ARHGEF4: variants seen among roughly 807,000 people sequenced by gnomAD.
The protein encoded by ARHGEF4 is Rho guanine nucleotide exchange factor 4, also known as APC-stimulated guanine nucleotide exchange factor 1.
ARHGEF4 carries 119 observed loss-of-function variants against 162.0 expected under a neutral mutation model. The observed-to-expected ratio is 0.73, with a 90% CI of 0.63 to 0.86. The LOEUF is 0.86. ARHGEF4 is among the 40% of genes least tolerant of loss of function. The pLI is 0.00. For synonymous variants in ARHGEF4, 1,014 were observed against 979.9 expected, an observed-to-expected ratio of 1.03 and a Z score of -0.65; for missense variants, 2,488 against 2,456.0, an observed-to-expected ratio of 1.01 and a Z score of -0.28.
intron 4 of ARHGEF4, among the ~76,000 whole-genome samples, chr2:130,977,124 TTGTG>T (rs529214228): frequency 3.1e-3 from 462 of 151,400 alleles, no homozygotes; most frequent in Non-Finnish European, 4.9e-3. Flanking sequence ...TGTGATGTGT[TTGTG>T]TGATGTCTGT....
chr2:130,972,718 T>C (rs1349873691), intron 4 of ARHGEF4, among the ~76,000 whole-genome samples: 1 of 139,728 alleles, frequency 7.2e-6, no homozygotes, highest in African/African-American at 2.7e-5. Context: ...CTTAAAGTGG[T>C]TGTGGTTAAT....
chr2:131,026,707 A>C (rs182513547), intron 4 of ARHGEF4, among the ~76,000 whole-genome samples: 1 of 152,340 alleles, frequency 6.6e-6, no homozygotes, highest in Admixed American at 6.5e-5. Flanking sequence ...CATACCCATT[A>C]GACTCAAGAA....
intron 1 of ARHGEF4, among the ~76,000 whole-genome samples, chr2:130,911,296 G>A (rs1681168147): frequency 6.6e-6 from 1 of 152,156 alleles, no homozygotes; most frequent in Admixed American, 6.5e-5. Context: ...TATAGAATAA[G>A]ACAGTTGGGA....
At chr2:130,842,320 G>C (rs1451087910) in intron 1 of ARHGEF4, among the ~76,000 whole-genome samples, 2 of 152,194 alleles carry the variant, frequency 1.3e-5, no homozygotes, top group African/African-American at 4.8e-5. Context: ...CAAGGAGCAA[G>C]GAAACAACAC....
At chr2:130,856,436 A>G (rs555350389) in intron 1 of ARHGEF4, among the ~76,000 whole-genome samples, 2 of 152,350 alleles carry the variant, frequency 1.3e-5, no homozygotes, top group South Asian at 4.1e-4. Flanking sequence ...AGATATAAAA[A>G]AATGGAAATA....
Position 130,964,134 on chromosome 2 carries a change from G to A in ARHGEF4, c.3985+17499G>A, listed in dbSNP as rs1421944247. On this transcript the variant is annotated intron_variant, in intron 4 of 13. Coordinates refer to ENST00000409359, the MANE Select transcript of ARHGEF4 (RefSeq NM_001367493.1). ...GCAGCAGCAGCGCCGGGCTGTCCCC[G>A]GGCTCCGACTCGGACAGCAGCGGCG... is the stretch of plus-strand genomic sequence containing the variant. 7.1e-6 allele frequency: 7 copies of A among 981,746 alleles called. No homozygotes were observed. In the East Asian group the frequency reaches 5.7e-4, roughly 80 times the overall value. The allele number at this position is 981,746 out of a possible 1,614,324, so 60.8% of individuals were successfully genotyped here. A position where few individuals can be genotyped will look rare whatever the true frequency, so the allele number is the denominator to read the frequency against.
chr2:131,019,625 GGTTTTT>G (rs905506184), intron 4 of ARHGEF4, among the ~76,000 whole-genome samples: 1 of 124,396 alleles, frequency 8.0e-6, no homozygotes, highest in African/African-American at 2.7e-5. Flanking sequence ...TTTATTCTTT[GGTTTTT>G]GTTTTTGTTT....
At chr2:130,849,045 G>C (rs547330320) in intron 1 of ARHGEF4, among the ~76,000 whole-genome samples, 1 of 152,232 alleles carries the variant, frequency 6.6e-6, no homozygotes, top group East Asian at 1.9e-4. Context: ...CAGCTGTGGG[G>C]ACTCCCCTGC....
At position 131,040,132 on chromosome 2, in the gene ARHGEF4, C is replaced by A. The variant is rs758288519; in HGVS notation, c.4422C>A (p.Val1474=). 2.5e-6 allele frequency: 4 copies of A among 1,613,338 alleles called. No individual in the cohort carries two copies. Among genetic ancestry groups the A allele is most frequent in the Middle Eastern group, 3.3e-4 (2 of 6,062 alleles). The change falls in exon 7 of 14, where the codon GTC becomes GTA. Residue 1474 remains valine, a synonymous_variant. Transcript: ENST00000409359. ...QSSKDQMRTN[V]INEILSTERD... ...GCAAGGACCAGATGCGGACCAACGT[C>A]ATCAACGAGATCCTCAGCACTGAGC...
At chr2:131,024,121 T>G (rs1002549455) in intron 4 of ARHGEF4, among the ~76,000 whole-genome samples, 10 of 152,340 alleles carry the variant, frequency 6.6e-5, no homozygotes, top group Non-Finnish European at 1.5e-4. Context: ...AAAGTCAGGT[T>G]CTTGGCTATG....
intron 4 of ARHGEF4, among the ~76,000 whole-genome samples, chr2:130,979,058 C>T (rs570781574): frequency 6.6e-6 from 1 of 152,208 alleles, no homozygotes; most frequent in African/African-American, 2.4e-5. Flanking sequence ...AATTCTAAGC[C>T]AGTTTTTTTT....
chr2:130,860,638 A>T (rs1456808330), intron 1 of ARHGEF4, among the ~76,000 whole-genome samples: 1 of 119,264 alleles, frequency 8.4e-6, no homozygotes, highest in Non-Finnish European at 1.6e-5. Flanking sequence ...TGAACCCGGG[A>T]GGCGAAGCTT....
At chr2:130,960,454 A>G (rs1684563738) in intron 4 of ARHGEF4, among the ~76,000 whole-genome samples, 1 of 152,186 alleles carries the variant, frequency 6.6e-6, no homozygotes, top group Admixed American at 6.5e-5. Context: ...GCTCTACCAT[A>G]TAGCCTAGGT....
At chr2:130,977,374 C>T (rs191356973) in intron 4 of ARHGEF4, among the ~76,000 whole-genome samples, 15 of 149,960 alleles carry the variant, frequency 1.0e-4, no homozygotes, top group African/African-American at 2.7e-4. Flanking sequence ...TATTGTGTTG[C>T]GTATGTTGTG....
rs574170032 is a variant in ARHGEF4 at position 131,024,721 on chromosome 2, G to T, written c.3986-3224G>T. Among the ~76,000 whole-genome samples the T allele has an allele frequency of 1.4e-3, 209 of 152,260 alleles. 1 individual carries two copies. Among genetic ancestry groups the T allele is most frequent in the African/African-American group, 4.4e-3 (183 of 41,550 alleles). ...CTTACGTTTCAGAAACATATGCTCT[G>T]GTGTTTACAGATGAAATTATATTGT... is the stretch of plus-strand genomic sequence containing the variant. On this transcript the variant is annotated intron_variant, in intron 4 of 13. Coordinates refer to ENST00000409359, the MANE Select transcript of ARHGEF4 (RefSeq NM_001367493.1).
At chr2:130,903,328 G>A (rs75410913) in intron 1 of ARHGEF4, among the ~76,000 whole-genome samples, 2,891 of 150,448 alleles carry the variant, frequency 0.019, 75 homozygotes, top group African/African-American at 0.066. Flanking sequence ...GCGTGATCTC[G>A]GCTTACTGAA....
chr2:131,046,316 T>C lies in ARHGEF4; in HGVS notation c.*127T>C, dbSNP rs1458588029. The C allele has an allele frequency of 3.0e-6, 3 of 1,001,032 alleles. No homozygotes were observed. Among genetic ancestry groups the C allele is most frequent in the African/African-American group, 1.6e-5 (1 of 61,780 alleles). 62.0% of individuals were successfully genotyped at this position (1,001,032 alleles called of 1,614,324 possible). A position where few individuals can be genotyped will look rare whatever the true frequency, so the allele number is the denominator to read the frequency against. On this transcript the variant is annotated 3_prime_UTR_variant, in exon 14 of 14. Transcript: ENST00000409359. ...GAGCAGGGATGGGCTGGGGAGTTGC[T>C]TGTGCCACCAAGACGTGCCAGGTCT... is the stretch of plus-strand genomic sequence containing the variant.
rs895493911 is a variant in ARHGEF4, at chr2:130,915,677, C to T, written c.1731C>T (p.Asn577=). The change falls in exon 2 of 14, where the codon AAC becomes AAT. Residue 577 remains asparagine, a synonymous_variant. Transcript: ENST00000409359. ...AAEEAMVLDP[N]YREQALQGLS... ...AAGAAGCCATGGTTCTAGACCCCAACTACAGGGAACAGGCTTTGCAAGGTC... is the reference window on the plus strand; with the variant it reads ...AAGAAGCCATGGTTCTAGACCCCAATTACAGGGAACAGGCTTTGCAAGGTC... The T allele has an allele frequency of 6.5e-7, 1 of 1,550,376 alleles. No homozygotes were observed. Among genetic ancestry groups the T allele is most frequent in the Non-Finnish European group, 8.7e-7 (1 of 1,146,978 alleles).
At chr2:130,880,104 G>A (rs775857922) in intron 1 of ARHGEF4, among the ~76,000 whole-genome samples, 3 of 152,204 alleles carry the variant, frequency 2.0e-5, no homozygotes, top group Non-Finnish European at 2.9e-5. Context: ...TCAACAGCCT[G>A]TGCAGCCTCT....
Sources: gnomAD v4.1 joint callset for allele counts (sites outside exome capture counted in the v4.1 genomes callset) on GRCh38, gnomAD v4.1.1 for gene constraint, MANE v1.5 for transcripts, NCBI Gene and HGNC (gene_info 2026-07-23, HGNC 2026-07-21) for gene names.